Variants in PRKN observed in about 807,000 individuals in gnomAD.
PRKN encodes parkin RBR E3 ubiquitin protein ligase, also known as E3 ubiquitin-protein ligase parkin.
PRKN carries 56 observed loss-of-function variants against 59.5 expected under a neutral mutation model. The observed-to-expected ratio is 0.94, with a 90% CI of 0.76 to 1.18. The LOEUF is 1.18. Ranked by LOEUF, PRKN falls within the 50% of genes most tolerant of loss-of-function variation. The probability of loss-of-function intolerance (pLI) is 0.00; values close to 1 mark genes in which losing one functional copy is unlikely to be tolerated. For synonymous variants in PRKN, 250 were observed against 222.1 expected (o/e 1.13, Z -1.12); for missense variants, 657 against 596.4 (o/e 1.10, Z -1.06).
intron 3 of PRKN, among the ~76,000 whole-genome samples, chr6:162,240,542 T>C (rs1778942402): frequency 6.6e-6 from 1 of 152,202 alleles, no homozygotes. Flanking sequence ...AAATGAAGCC[T>C]GTGGGAGAAG....
chr6:162,329,350 C>A (rs1244523409), intron 2 of PRKN, among the ~76,000 whole-genome samples: 1 of 152,110 alleles, frequency 6.6e-6, no homozygotes, highest in Non-Finnish European at 1.5e-5. Context: ...CATATACGCA[C>A]AGAGAGCCTC....
intron 4 of PRKN, among the ~76,000 whole-genome samples, chr6:162,089,903 G>T (rs1368668083): frequency 6.6e-6 from 1 of 152,106 alleles, no homozygotes; most frequent in East Asian, 1.9e-4. Flanking sequence ...AGGGGCATGG[G>T]GTGTGACTGC....
At chr6:162,414,726 A>AAAAAAAAAAAAAAAAAAAGT (rs34838356) in intron 2 of PRKN, among the ~76,000 whole-genome samples, 1,279 of 91,650 alleles carry the variant, frequency 0.014, 257 homozygotes, top group Non-Finnish European at 0.019. Flanking sequence ...AAAAAAAAAA[A>AAAAAAAAAAAAAAAAAAAGT]AGTGAATCTT....
intron 3 of PRKN, among the ~76,000 whole-genome samples, chr6:162,233,933 G>A (rs575998028): frequency 5.3e-5 from 8 of 152,204 alleles, no homozygotes; most frequent in Non-Finnish European, 1.0e-4. Flanking sequence ...CTAGAAGCAT[G>A]AGCCCAATAA....
intron 7 of PRKN, among the ~76,000 whole-genome samples, chr6:161,573,192 T>A: frequency 6.6e-6 from 1 of 152,266 alleles, no homozygotes; most frequent in Middle Eastern, 3.4e-3. Context: ...AGATGGAACA[T>A]TTGAATCTGG....
chr6:161,746,108 G>A (rs1295323610), intron 7 of PRKN, among the ~76,000 whole-genome samples: 1 of 152,214 alleles, frequency 6.6e-6, no homozygotes, highest in Non-Finnish European at 1.5e-5. Flanking sequence ...CCATGAATTA[G>A]GCAAAATTAT....
intron 1 of PRKN, among the ~76,000 whole-genome samples, chr6:162,474,037 G>A (rs1389959168): frequency 2.6e-5 from 4 of 152,162 alleles, no homozygotes; most frequent in East Asian, 3.9e-4. Context: ...TAAAGGTAAT[G>A]TGGGTGATTC....
chr6:162,340,142 T>A (rs6930253), intron 2 of PRKN, among the ~76,000 whole-genome samples: 10 of 73,048 alleles, frequency 1.4e-4, no homozygotes, highest in African/African-American at 5.0e-4. Flanking sequence ...AATAAAAAAA[T>A]AAATTAAAAA....
At chr6:161,920,966 A>G (rs1264663325) in intron 6 of PRKN, among the ~76,000 whole-genome samples, 1 of 152,080 alleles carries the variant, frequency 6.6e-6, no homozygotes, top group African/African-American at 2.4e-5. Flanking sequence ...TGTATACAAC[A>G]AAGTTCCTCA....
intron 5 of PRKN, among the ~76,000 whole-genome samples, chr6:162,039,730 T>C (rs1783990041): frequency 6.6e-6 from 1 of 152,212 alleles, no homozygotes; most frequent in Admixed American, 6.5e-5. Flanking sequence ...GACTAAACAA[T>C]TATCATTGTC....
intron 6 of PRKN, among the ~76,000 whole-genome samples, chr6:161,934,681 T>C (rs576199357): frequency 6.6e-6 from 1 of 152,220 alleles, no homozygotes; most frequent in Admixed American, 6.5e-5. Context: ...ATTGTCTTTA[T>C]CCTCTATGTT....
chr6:162,513,058 T>C (rs566766949), intron 1 of PRKN, among the ~76,000 whole-genome samples: 30 of 152,142 alleles, frequency 2.0e-4, no homozygotes, highest in South Asian at 1.0e-3. Context: ...TCACTAACCA[T>C]TGAAGATGAA....
intron 1 of PRKN, among the ~76,000 whole-genome samples, chr6:162,445,540 C>G (rs1407368154): frequency 1.3e-5 from 2 of 151,382 alleles, no homozygotes; most frequent in Non-Finnish European, 3.0e-5. Flanking sequence ...TTTTTTTAAA[C>G]AATCAGCAGG....
chr6:162,158,415 C>CCT (rs10673194), intron 4 of PRKN, among the ~76,000 whole-genome samples: 2 of 139,158 alleles, frequency 1.4e-5, no homozygotes, highest in African/African-American at 5.3e-5. Flanking sequence ...TGTTTGTTTG[C>CCT]GTTTTTTTTT....
chr6:162,689,145 G>A (rs897846545), intron 1 of PRKN, among the ~76,000 whole-genome samples: 5 of 152,330 alleles, frequency 3.3e-5, no homozygotes, highest in Middle Eastern at 6.8e-3. Flanking sequence ...GTCGTACAGA[G>A]CACACTGCTC....
At chr6:162,520,411 CTGTT>C (rs1778038984) in intron 1 of PRKN, among the ~76,000 whole-genome samples, 1 of 152,106 alleles carries the variant, frequency 6.6e-6, no homozygotes. Flanking sequence ...TTTTCTTTTG[CTGTT>C]TGTTTGTAGC....
At chr6:162,524,458 A>C (rs901087751) in intron 1 of PRKN, among the ~76,000 whole-genome samples, 4 of 152,218 alleles carry the variant, frequency 2.6e-5, no homozygotes, top group African/African-American at 9.6e-5. Context: ...TCAAGGACTA[A>C]GAGTGACCTG....
intron 4 of PRKN, among the ~76,000 whole-genome samples, chr6:162,054,661 C>T (rs949837707): frequency 1.3e-5 from 2 of 152,184 alleles, no homozygotes; most frequent in African/African-American, 2.4e-5. Flanking sequence ...ATCCCAGCAC[C>T]TAGAGGAGGG....
At chr6:161,732,681 A>G (rs970004134) in intron 7 of PRKN, among the ~76,000 whole-genome samples, 1 of 152,206 alleles carries the variant, frequency 6.6e-6, no homozygotes, top group Non-Finnish European at 1.5e-5. Flanking sequence ...TTTGCTTAGG[A>G]TAATGGCCGT....
Sources: gnomAD v4.1 joint callset for allele counts (sites outside exome capture counted in the v4.1 genomes callset) on GRCh38, gnomAD v4.1.1 for gene constraint, MANE v1.5 for transcripts, NCBI Gene and HGNC (gene_info 2026-07-23, HGNC 2026-07-21) for gene names.